Variants in KCTD16 observed in about 807,000 individuals in gnomAD.
KCTD16 encodes potassium channel tetramerization domain containing 16, also known as BTB/POZ domain-containing protein KCTD16.
A neutral mutation model predicts 33.2 loss-of-function variants in KCTD16; 13 were observed. The ratio of observed to expected loss-of-function variants is 0.39; its 90% CI spans 0.25 to 0.62. KCTD16 has a LOEUF of 0.62. Among genes scored for constraint, KCTD16 ranks in the 20% least tolerant of loss-of-function variants. The pLI is 0.50. For synonymous variants in KCTD16, 197 were observed against 195.3 expected (o/e 1.01, Z -0.07); for missense variants, 441 against 525.1 (o/e 0.84, Z 1.57).
At chr5:144,322,298 G>A (rs1183398455) in intron 3 of KCTD16, among the ~76,000 whole-genome samples, 2 of 152,108 alleles carry the variant, frequency 1.3e-5, no homozygotes, top group African/African-American at 2.4e-5. Flanking sequence ...GTCCATAGTT[G>A]TGCAGTCAAC....
intron 3 of KCTD16, among the ~76,000 whole-genome samples, chr5:144,417,690 G>A (rs917600580): frequency 4.6e-5 from 7 of 152,130 alleles, no homozygotes; most frequent in Non-Finnish European, 7.4e-5. Flanking sequence ...AGGTCATGGA[G>A]ATTTAGTTCT....
chr5:144,388,918 G>A (rs1425527362), intron 3 of KCTD16, among the ~76,000 whole-genome samples: 1 of 152,134 alleles, frequency 6.6e-6, no homozygotes, highest in African/African-American at 2.4e-5. Flanking sequence ...GTCTTAATAT[G>A]TGTGTGTATA....
intron 3 of KCTD16, among the ~76,000 whole-genome samples, chr5:144,402,956 G>C (rs146710812): frequency 6.6e-6 from 1 of 152,150 alleles, no homozygotes; most frequent in South Asian, 2.1e-4. Context: ...TTTTTCTGGA[G>C]ACTCCAGAGA....
intron 2 of KCTD16, among the ~76,000 whole-genome samples, chr5:144,192,458 T>C (rs1373397065): frequency 6.6e-6 from 1 of 152,250 alleles, no homozygotes; most frequent in Non-Finnish European, 1.5e-5. Flanking sequence ...AATTGCATTA[T>C]AATGGGAGAT....
At chr5:144,230,239 TCAATC>T (rs1390757867) in intron 3 of KCTD16, among the ~76,000 whole-genome samples, 1 of 152,228 alleles carries the variant, frequency 6.6e-6, no homozygotes, top group African/African-American at 2.4e-5. Context: ...AGTTGAGAAT[TCAATC>T]TCAGCTGCAT....
At position 144,191,713 on chromosome 5, in the gene KCTD16, T is replaced by G. The variant is rs1185135923; in HGVS notation, c.-326-14676T>G. Among the ~76,000 whole-genome samples the G allele has an allele frequency of 2.6e-5, 4 of 152,310 alleles. No homozygotes were observed. The East Asian group carries it at 7.7e-4, about 29-fold the overall frequency. On this transcript the variant is annotated intron_variant, in intron 2 of 3. Coordinates refer to ENST00000512467, the MANE Select transcript of KCTD16 (RefSeq NM_020768.4). ...TGCCTCCACTTATCTCTCTCTAGAC[T>G]TGTCTGCTAAATTATCTCAACAGCC...
intron 3 of KCTD16, among the ~76,000 whole-genome samples, chr5:144,297,978 C>A (rs536066779): frequency 4.1e-4 from 63 of 152,332 alleles, no homozygotes; most frequent in African/African-American, 1.5e-3. Context: ...CCCCCCTTGA[C>A]TTTCATCCCT....
intron 2 of KCTD16, among the ~76,000 whole-genome samples, chr5:144,179,567 T>G (rs1580769252): frequency 6.6e-6 from 1 of 152,228 alleles, no homozygotes; most frequent in East Asian, 1.9e-4. Flanking sequence ...TCTTGTACTA[T>G]TTGGGAACAG....
chr5:144,359,949 C>T (rs1751667225), intron 3 of KCTD16, among the ~76,000 whole-genome samples: 1 of 152,042 alleles, frequency 6.6e-6, no homozygotes, highest in African/African-American at 2.4e-5. Context: ...TCAAAGGTGA[C>T]AAATCACAAA....
intron 3 of KCTD16, among the ~76,000 whole-genome samples, chr5:144,377,591 A>G (rs1439695072): frequency 6.6e-6 from 1 of 152,198 alleles, no homozygotes; most frequent in Non-Finnish European, 1.5e-5. Context: ...CCAATCTGCT[A>G]CATACATTTA....
At chr5:144,264,044 C>G (rs994367034) in intron 3 of KCTD16, among the ~76,000 whole-genome samples, 10 of 152,204 alleles carry the variant, frequency 6.6e-5, no homozygotes, top group African/African-American at 2.4e-4. Context: ...TACCATCACA[C>G]TGGGGGTTAA....
chr5:144,361,977 G>A (rs1444277438), intron 3 of KCTD16, among the ~76,000 whole-genome samples: 2 of 150,992 alleles, frequency 1.3e-5, no homozygotes, highest in Non-Finnish European at 1.5e-5. Flanking sequence ...TGTTTCTGGG[G>A]AAGTCACTTA....
intron 3 of KCTD16, among the ~76,000 whole-genome samples, chr5:144,466,309 C>A (rs1300401671): frequency 1.3e-5 from 2 of 150,968 alleles, no homozygotes; most frequent in East Asian, 3.9e-4. Context: ...CCAAGGCAGC[C>A]CTGGTAGAAC....
chr5:144,268,701 C>G (rs1256397017), intron 3 of KCTD16, among the ~76,000 whole-genome samples: 2 of 151,992 alleles, frequency 1.3e-5, no homozygotes, highest in Non-Finnish European at 2.9e-5. Context: ...TCCAAAGAAA[C>G]AGAAAAGCAT....
intron 3 of KCTD16, among the ~76,000 whole-genome samples, chr5:144,252,110 T>G (rs2126831803): frequency 6.6e-6 from 1 of 152,264 alleles, no homozygotes; most frequent in East Asian, 1.9e-4. Context: ...TTTTATGTGT[T>G]TGTACATGGT....
At position 144,334,879 on chromosome 5, in the gene KCTD16, C is replaced by T. The variant is rs190072830; in HGVS notation, c.832+127333C>T. Among the ~76,000 whole-genome samples the T allele has an allele frequency of 1.2e-3, 175 of 152,154 alleles. 2 individuals carry two copies. Among genetic ancestry groups the T allele is most frequent in the Admixed American group, 5.1e-3 (78 of 15,260 alleles). On this transcript the variant is annotated intron_variant, in intron 3 of 3. Coordinates refer to ENST00000512467, the MANE Select transcript of KCTD16 (RefSeq NM_020768.4). ...GCACCTTCAAACTCATAGGCTTAAGCGATCCTCCCACCTCAGCTTCCCTAG... is the reference window on the plus strand; with the variant it reads ...GCACCTTCAAACTCATAGGCTTAAGTGATCCTCCCACCTCAGCTTCCCTAG...
rs1754696082 is a variant in KCTD16, at chr5:144,481,097, T to A, written c.*6983T>A. The A allele has an allele frequency of 1.3e-5, 2 of 151,958 alleles. No individual in the cohort carries two copies. Among genetic ancestry groups the A allele is most frequent in the South Asian group, 4.1e-4 (2 of 4,836 alleles). The allele number at this position is 151,958 out of a possible 1,614,324, so 9.4% of individuals were successfully genotyped here. A position where few individuals can be genotyped will look rare whatever the true frequency, so the allele number is the denominator to read the frequency against. On this transcript the variant is annotated 3_prime_UTR_variant, in exon 4 of 4. Coordinates refer to ENST00000512467, the MANE Select transcript of KCTD16 (RefSeq NM_020768.4). ...GTAGTTTAGGTGTCTTGTGTTCTTC[T>A]ACTTCAGTCTTTCTGCCTCAGAAAA...
rs539453452 is a variant in KCTD16, at chr5:144,242,879, C to T, written c.832+35333C>T. On this transcript the variant is annotated intron_variant, in intron 3 of 3. Coordinates refer to ENST00000512467, the MANE Select transcript of KCTD16 (RefSeq NM_020768.4). ...GATCTAACCCCATGACCTAAGACCT[C>T]CCATTGGGCCCATCTCTAATATTGG... Among the ~76,000 whole-genome samples the T allele has an allele frequency of 6.3e-3, 957 of 152,230 alleles. 4 individuals carry two copies. Among genetic ancestry groups the T allele is most frequent in the Non-Finnish European group, 0.011 (776 of 68,008 alleles).
intron 3 of KCTD16, among the ~76,000 whole-genome samples, chr5:144,365,812 C>A (rs575941319): frequency 4.6e-5 from 7 of 152,222 alleles, no homozygotes; most frequent in African/African-American, 1.7e-4. Context: ...GTTATAAAGA[C>A]CTTAGCCTAT....
Sources: gnomAD v4.1 joint callset for allele counts (sites outside exome capture counted in the v4.1 genomes callset) on GRCh38, gnomAD v4.1.1 for gene constraint, MANE v1.5 for transcripts, NCBI Gene and HGNC (gene_info 2026-07-23, HGNC 2026-07-21) for gene names.